PAIP2B: variants seen among roughly 807,000 people sequenced by gnomAD.
PAIP2B encodes the protein poly(A) binding protein interacting protein 2B, also known as polyadenylate-binding protein-interacting protein 2B.
Under a neutral mutation model 17.0 loss-of-function variants are expected in PAIP2B, and 13 were observed. The observed-to-expected ratio is 0.76, with a 90% CI of 0.50 to 1.22. PAIP2B has a LOEUF of 1.22. Among genes scored for constraint, PAIP2B ranks in the 50% most tolerant of loss-of-function variants. The pLI is 0.00. For synonymous variants in PAIP2B, 43 were observed against 48.7 expected, an observed-to-expected ratio of 0.88 and a Z score of 0.48; for missense variants, 117 against 144.5, an observed-to-expected ratio of 0.81 and a Z score of 0.98.
chr2:71,209,395 G>T (rs971252584), intron 1 of PAIP2B, among the ~76,000 whole-genome samples: 3 of 152,234 alleles, frequency 2.0e-5, no homozygotes, highest in Non-Finnish European at 4.4e-5. Context: ...AGTTGATAGT[G>T]TAGGTCCTGG....
intron 1 of PAIP2B, among the ~76,000 whole-genome samples, chr2:71,209,724 G>A (rs741472): frequency 0.3 from 45,390 of 151,980 alleles, 7,521 homozygotes; most frequent in East Asian, 0.75. Flanking sequence ...TATTCTTTCA[G>A]TTTTTCACAG....
Position 71,185,271 on chromosome 2 carries a change from A to G in PAIP2B, c.*3208T>C, listed in dbSNP as rs1412326933. 6.6e-6 allele frequency: 1 copy of G among 152,160 alleles called. No homozygotes were observed. The highest frequency in any genetic ancestry group is 2.4e-5 in the African/African-American group (1 of 41,438). 9.4% of individuals were successfully genotyped at this position (152,160 alleles called of 1,614,324 possible). A position where few individuals can be genotyped will look rare whatever the true frequency, so the allele number is the denominator to read the frequency against. ...TTATAACCTTAATTAAAGAGACCCC[A>G]GGCTGGGGTGGCTCACCACACCCAG... On this transcript the variant is annotated 3_prime_UTR_variant, in exon 4 of 4. Transcript: ENST00000244221.
rs552521185 is a variant in PAIP2B at position 71,188,549 on chromosome 2, C to A, written c.316-14G>T. The stretch of plus-strand genomic sequence containing the variant: ...GTTACTTTTGCTCTGAAATAAGAAC[C>A]AAGAGATAGTAAATCCTAAGGCAAG... On this transcript the variant is annotated splice_polypyrimidine_tract_variant and intron_variant, in intron 3 of 3. Transcript: ENST00000244221. 2 of 1,597,102 alleles carry A rather than the reference C, an allele frequency of 1.3e-6. No individual in the cohort carries two copies. The highest frequency in any genetic ancestry group is 2.3e-5 in the South Asian group (2 of 88,108).
intron 1 of PAIP2B, among the ~76,000 whole-genome samples, chr2:71,223,799 T>G (rs930980405): frequency 6.6e-6 from 1 of 152,236 alleles, no homozygotes; most frequent in Non-Finnish European, 1.5e-5. Context: ...AATGAATATA[T>G]GATAACTGAA....
At chr2:71,203,595 A>G (rs570292913) in intron 1 of PAIP2B, among the ~76,000 whole-genome samples, 2 of 151,982 alleles carry the variant, frequency 1.3e-5, no homozygotes, top group African/African-American at 4.8e-5. Context: ...TTATCTTAAG[A>G]TATGTTTACT....
chr2:71,191,652 T>G (rs1674690843), intron 2 of PAIP2B, among the ~76,000 whole-genome samples: 1 of 152,236 alleles, frequency 6.6e-6, no homozygotes, highest in Non-Finnish European at 1.5e-5. Flanking sequence ...TCACAAAATG[T>G]TCCCACAAGG....
At chr2:71,225,579 G>A (rs1174089680) in intron 1 of PAIP2B, among the ~76,000 whole-genome samples, 3 of 152,194 alleles carry the variant, frequency 2.0e-5, no homozygotes, top group African/African-American at 7.2e-5. Flanking sequence ...AGCCAGAGGA[G>A]CCTATCAGTC....
chr2:71,219,130 C>T (rs1468450358), intron 1 of PAIP2B, among the ~76,000 whole-genome samples: 1 of 143,206 alleles, frequency 7.0e-6, no homozygotes, highest in Non-Finnish European at 1.5e-5. Context: ...CGGGGTTTCA[C>T]GGTGTTAGCC....
chr2:71,201,009 GTGTGT>G (rs1674968746), intron 2 of PAIP2B, among the ~76,000 whole-genome samples: 1 of 1,638 alleles, frequency 6.1e-4, no homozygotes, highest in Non-Finnish European at 1.2e-3. Flanking sequence ...GTGTGTGTGG[GTGTGT>G]GTGTGTGTGT....
chr2:71,196,197 G>T (rs1183322436), intron 2 of PAIP2B, among the ~76,000 whole-genome samples: 2 of 152,140 alleles, frequency 1.3e-5, no homozygotes, highest in African/African-American at 4.8e-5. Flanking sequence ...CTATGTTCCA[G>T]AGATTCTGGT....
At chr2:71,203,869 G>T (rs1471954984) in intron 1 of PAIP2B, among the ~76,000 whole-genome samples, 1 of 151,760 alleles carries the variant, frequency 6.6e-6, no homozygotes, top group Non-Finnish European at 1.5e-5. Flanking sequence ...TCGTAAAATT[G>T]TATGTACATA....
At chr2:71,220,016 T>C (rs1300835519) in intron 1 of PAIP2B, among the ~76,000 whole-genome samples, 1 of 152,224 alleles carries the variant, frequency 6.6e-6, no homozygotes, top group Non-Finnish European at 1.5e-5. Context: ...CTCATTCTTC[T>C]TTACAACTAC....
intron 1 of PAIP2B, among the ~76,000 whole-genome samples, chr2:71,212,615 A>T (rs1675329160): frequency 6.6e-6 from 1 of 152,196 alleles, no homozygotes; most frequent in Non-Finnish European, 1.5e-5. Context: ...AAGAGGGATT[A>T]AAAAACACTT....
intron 2 of PAIP2B, among the ~76,000 whole-genome samples, chr2:71,201,614 C>CA (rs1674987274): frequency 6.6e-6 from 1 of 152,164 alleles, no homozygotes. Flanking sequence ...CTCCTGACTT[C>CA]AAGTGATCTG....
At chr2:71,201,009 GT>G (rs1249643199) in intron 2 of PAIP2B, among the ~76,000 whole-genome samples, 7 of 1,638 alleles carry the variant, frequency 4.3e-3, no homozygotes, top group Admixed American at 0.025. Flanking sequence ...GTGTGTGTGG[GT>G]GTGTGTGTGT....
intron 1 of PAIP2B, among the ~76,000 whole-genome samples, chr2:71,219,124 G>C (rs1675511990): frequency 6.7e-6 from 1 of 148,496 alleles, no homozygotes; most frequent in Non-Finnish European, 1.5e-5. Context: ...TAGAGACGGG[G>C]TTTCACGGTG....
intron 2 of PAIP2B, among the ~76,000 whole-genome samples, chr2:71,196,594 G>T (rs1195599266): frequency 6.6e-6 from 1 of 152,042 alleles, no homozygotes; most frequent in Non-Finnish European, 1.5e-5. Flanking sequence ...ATCTAATATT[G>T]TCAGTGGAGT....
intron 1 of PAIP2B, among the ~76,000 whole-genome samples, chr2:71,221,844 G>A (rs972646123): frequency 2.5e-4 from 38 of 152,138 alleles, no homozygotes; most frequent in Non-Finnish European, 5.0e-4. Context: ...ACCAGTCAGC[G>A]CTCTGCAAAA....
At chr2:71,208,386 G>A (rs374665282) in intron 1 of PAIP2B, among the ~76,000 whole-genome samples, 3 of 151,790 alleles carry the variant, frequency 2.0e-5, no homozygotes, top group South Asian at 2.1e-4. Flanking sequence ...TCGCGCCATC[G>A]CACTCCAGAC....
Sources: gnomAD v4.1 joint callset for allele counts (sites outside exome capture counted in the v4.1 genomes callset) on GRCh38, gnomAD v4.1.1 for gene constraint, MANE v1.5 for transcripts, NCBI Gene and HGNC (gene_info 2026-07-23, HGNC 2026-07-21) for gene names.